The following COG6 variants were observed in gnomAD, a reference collection of about 807,000 sequenced individuals.
COG6 encodes the protein conserved oligomeric Golgi complex subunit 6.
A neutral mutation model predicts 88.8 loss-of-function variants in COG6; 74 were observed. The observed-to-expected ratio is 0.83, with a 90% CI of 0.69 to 1.01. The LOEUF (loss-of-function observed/expected upper bound fraction) is 1.01. COG6 is among the 50% of genes least tolerant of loss of function. COG6 has a pLI of 0.00. For missense variants in COG6, 800 were observed against 797.9 expected (o/e 1.00, Z -0.03); for synonymous variants, 286 against 278.7 (o/e 1.03, Z -0.26).
chr13:39,678,341 T>C (rs766000562), intron 5 of COG6, among the ~76,000 whole-genome samples: 2 of 152,242 alleles, frequency 1.3e-5, no homozygotes, highest in Non-Finnish European at 2.9e-5. Flanking sequence ...CCCAAAGTGC[T>C]GGGACTATAG....
At chr13:39,671,411 CT>C (rs1005215323) in intron 4 of COG6, among the ~76,000 whole-genome samples, 7 of 148,748 alleles carry the variant, frequency 4.7e-5, no homozygotes, top group Admixed American at 1.3e-4. Flanking sequence ...TTTTTTCTTC[CT>C]TTTTTTTTGT....
At chr13:39,760,197 T>C (rs1027845810) in intron 18 of COG6, among the ~76,000 whole-genome samples, 5 of 152,250 alleles carry the variant, frequency 3.3e-5, no homozygotes, top group African/African-American at 7.2e-5. Context: ...GGGGGTATCA[T>C]TTATATAAGT....
chr13:39,759,887 C>T (rs1426360083), intron 18 of COG6, among the ~76,000 whole-genome samples: 1 of 152,118 alleles, frequency 6.6e-6, no homozygotes, highest in Non-Finnish European at 1.5e-5. Flanking sequence ...GATAAGGCCA[C>T]AAGTATTAAC....
At chr13:39,762,546 TGAGGTGATG>T (rs1268207599) in intron 18 of COG6, among the ~76,000 whole-genome samples, 1 of 151,836 alleles carries the variant, frequency 6.6e-6, no homozygotes, top group Non-Finnish European at 1.5e-5. Flanking sequence ...GATAAACATT[TGAGGTGATG>T]GACATGCTGA....
chr13:39,698,703 ATGT>A (rs1487848151), intron 12 of COG6, among the ~76,000 whole-genome samples: 1 of 152,030 alleles, frequency 6.6e-6, no homozygotes, highest in Non-Finnish European at 1.5e-5. Flanking sequence ...GGCATGGAAG[ATGT>A]TGTTATGCCT....
At chr13:39,655,654 T>G (rs1874410101), upstream of COG6, 1 of 1,514,864 alleles carries the variant, frequency 6.6e-7, no homozygotes, top group Non-Finnish European at 9.0e-7. Context: ...GATTTGCACA[T>G]GCGCAATACT....
chr13:39,656,544 C>T (rs1241122290), intron 1 of COG6, among the ~76,000 whole-genome samples: 1 of 151,884 alleles, frequency 6.6e-6, no homozygotes, highest in Admixed American at 6.6e-5. Flanking sequence ...CCTCACATAC[C>T]CAGCCATCTC....
At position 39,751,508 on chromosome 13, in the gene COG6, C is replaced by T. The variant is rs1463913109; in HGVS notation, c.*415C>T. 1 of 1,277,644 alleles carries T rather than the reference C, an allele frequency of 7.8e-7. No homozygotes were observed. Among genetic ancestry groups the T allele is most frequent in the African/African-American group, 1.5e-5 (1 of 65,596 alleles). 79.1% of individuals were successfully genotyped at this position (1,277,644 alleles called of 1,614,324 possible). A position where few individuals can be genotyped will look rare whatever the true frequency, so the allele number is the denominator to read the frequency against. On this transcript the variant is annotated 3_prime_UTR_variant, in exon 19 of 19. Coordinates refer to ENST00000455146, the MANE Select transcript of COG6 (RefSeq NM_020751.3). The stretch of plus-strand genomic sequence containing the variant: ...ATAAATGTCTCCTTACCTAAAGATT[C>T]ATTTGCTTTCTTTTAATATGAGTAG...
At chr13:39,678,837 C>T (rs1371481357) in intron 5 of COG6, among the ~76,000 whole-genome samples, 1 of 151,904 alleles carries the variant, frequency 6.6e-6, no homozygotes, top group Non-Finnish European at 1.5e-5. Flanking sequence ...TATGTACTGC[C>T]CTCATGTTTT....
intron 18 of COG6, among the ~76,000 whole-genome samples, chr13:39,742,373 G>C (rs1414504807): frequency 3.9e-5 from 6 of 152,054 alleles, no homozygotes; most frequent in Non-Finnish European, 7.4e-5. Flanking sequence ...CACATGCAGA[G>C]ACACACATAG....
intron 13 of COG6, among the ~76,000 whole-genome samples, chr13:39,707,523 T>G (rs756264812): frequency 6.6e-6 from 1 of 152,196 alleles, no homozygotes; most frequent in African/African-American, 2.4e-5. Context: ...ATCACCCAGA[T>G]AAGATATAAA....
At chr13:39,711,886 G>A (rs1208029619) in intron 13 of COG6, among the ~76,000 whole-genome samples, 1 of 152,092 alleles carries the variant, frequency 6.6e-6, no homozygotes, top group African/African-American at 2.4e-5. Flanking sequence ...TTGAGATTGA[G>A]TCTCGCTCTG....
chr13:39,763,458 T>C (rs887443810), intron 18 of COG6, among the ~76,000 whole-genome samples: 43 of 151,942 alleles, frequency 2.8e-4, no homozygotes, highest in African/African-American at 9.4e-4. Context: ...AATTGTTAGA[T>C]AGGTATTTTG....
intron 4 of COG6, among the ~76,000 whole-genome samples, chr13:39,676,177 C>A (rs978126565): frequency 2.0e-5 from 3 of 152,044 alleles, no homozygotes; most frequent in African/African-American, 7.2e-5. Context: ...TTCCTGTCCC[C>A]TTCTCCCCAC....
At chr13:39,656,711 CAATGTAATG>C in intron 1 of COG6, 1 of 376,786 alleles carries the variant, frequency 2.7e-6, no homozygotes, top group Non-Finnish European at 5.2e-6. Context: ...AATAACATTG[CAATGTAATG>C]AATAAGAAAT....
At chr13:39,706,681 T>A (rs964737090) in intron 13 of COG6, among the ~76,000 whole-genome samples, 1 of 152,054 alleles carries the variant, frequency 6.6e-6, no homozygotes, top group African/African-American at 2.4e-5. Context: ...TTTAAAAAAA[T>A]TATTGATTGA....
Position 39,741,291 on chromosome 13 carries a change from GATA to G in COG6, c.1827-9650_1827-9648del, listed in dbSNP as rs577778550. Among the ~76,000 whole-genome samples the G allele has an allele frequency of 2.5e-3, 387 of 152,142 alleles. 1 individual carries two copies. The highest frequency in any genetic ancestry group is 8.9e-3 in the African/African-American group (368 of 41,512). The stretch of plus-strand genomic sequence containing the variant: ...TGACAGAAGTAGGCTTCAGAAAGTC[GATA>G]ATAACAAACTTCTCTGAGCTAAAGG... On this transcript the variant is annotated intron_variant, in intron 18 of 18. Coordinates refer to ENST00000455146, the MANE Select transcript of COG6 (RefSeq NM_020751.3).
At chr13:39,727,635 A>T (rs1879208288) in intron 18 of COG6, 87 bp downstream of exon 18, 7 of 972,688 alleles carry the variant, frequency 7.2e-6, no homozygotes, top group Non-Finnish European at 1.2e-5. Flanking sequence ...ATTTATTTTC[A>T]AGAATAAATG....
At chr13:39,699,795 G>A (rs560809284) in intron 13 of COG6, among the ~76,000 whole-genome samples, 177 bp downstream of exon 13, 3 of 151,720 alleles carry the variant, frequency 2.0e-5, no homozygotes, top group Non-Finnish European at 4.4e-5. Flanking sequence ...GATAGTCTTT[G>A]TTCCTGAAAC....
Sources: gnomAD v4.1 joint callset for allele counts (sites outside exome capture counted in the v4.1 genomes callset) on GRCh38, gnomAD v4.1.1 for gene constraint, MANE v1.5 for transcripts, NCBI Gene and HGNC (gene_info 2026-07-23, HGNC 2026-07-21) for gene names.